PSME4: variants seen among roughly 807,000 people sequenced by gnomAD.
PSME4 encodes the protein proteasome activator subunit 4.
Under a neutral mutation model 253.9 loss-of-function variants are expected in PSME4, and 89 were observed. The ratio of observed to expected loss-of-function variants is 0.35; its 90% CI spans 0.30 to 0.42. The LOEUF (loss-of-function observed/expected upper bound fraction) is 0.42. Ranked by LOEUF, PSME4 falls within the 10% of genes least tolerant of loss-of-function variation. The pLI, the probability that PSME4 is intolerant of heterozygous loss-of-function variation, is 1.00. For synonymous variants in PSME4, 851 were observed against 759.2 expected (o/e 1.12, Z -1.99); for missense variants, 2,014 against 2,195.2 (o/e 0.92, Z 1.65).
At chr2:53,885,181 T>C (rs1231855362) in intron 41 of PSME4, among the ~76,000 whole-genome samples, 1 of 152,212 alleles carries the variant, frequency 6.6e-6, no homozygotes, top group Non-Finnish European at 1.5e-5. Flanking sequence ...AGTAGATGAT[T>C]AGATAAAACC....
intron 3 of PSME4, 33 bp from the exon 4 acceptor site, chr2:53,940,033 G>A (rs1669316859): frequency 1.4e-6 from 2 of 1,474,058 alleles, no homozygotes; most frequent in Non-Finnish European, 9.3e-7. Context: ...TAATTAGATT[G>A]GTGTATTTTA....
chr2:53,937,657 A>G, intron 4 of PSME4, 117 bp from the exon 5 acceptor site: 1 of 925,694 alleles, frequency 1.1e-6, no homozygotes, highest in Non-Finnish European at 1.7e-6. Context: ...ATAGCATGTA[A>G]CACAGTCTAC....
Position 53,868,542 on chromosome 2 carries a change from T to TA in PSME4, c.5263+833dup, listed in dbSNP as rs202011245. Among the ~76,000 whole-genome samples, 553 of 49,104 alleles carry TA rather than the reference T, an allele frequency of 0.011. 10 individuals are homozygous for TA. In the East Asian group the frequency reaches 0.28, roughly 25 times the overall value. The allele number at this position is 49,104 out of a possible 152,430, so 32.2% of individuals were successfully genotyped here. ...TTTATAATATATATAATATATATTA[T>TA]AAATATATTTATAATATATATAATA... On this transcript the variant is annotated intron_variant, in intron 44 of 46. Coordinates refer to ENST00000404125, the MANE Select transcript of PSME4 (RefSeq NM_014614.3).
intron 1 of PSME4, among the ~76,000 whole-genome samples, chr2:53,960,774 A>G (rs781650335): frequency 1.6e-4 from 24 of 151,672 alleles, no homozygotes; most frequent in Admixed American, 5.9e-4. Flanking sequence ...TTGCTTTTGA[A>G]TTTTTTTTTA....
Position 53,940,974 on chromosome 2 carries a change from T to A in PSME4, c.501-974A>T, listed in dbSNP as rs990291297. Among the ~76,000 whole-genome samples the A allele has an allele frequency of 2.1e-3, 129 of 62,626 alleles. 15 individuals carry two copies. The highest frequency in any genetic ancestry group is 8.4e-3 in the East Asian group (21 of 2,494). The allele number at this position is 62,626 out of a possible 152,430, so 41.1% of individuals were successfully genotyped here. On this transcript the variant is annotated intron_variant, in intron 3 of 46. Transcript: ENST00000404125. ...ATACATATATATATATATATATATA[T>A]ATATATATATATATATATATATATA...
intron 1 of PSME4, among the ~76,000 whole-genome samples, chr2:53,960,289 C>T (rs1041186868): frequency 3.3e-5 from 5 of 151,254 alleles, no homozygotes; most frequent in Non-Finnish European, 7.4e-5. Flanking sequence ...ATCCTAGCTT[C>T]TTGGGAGGCT....
intron 10 of PSME4, among the ~76,000 whole-genome samples, chr2:53,930,879 A>C (rs1460641700): frequency 6.6e-6 from 1 of 152,226 alleles, no homozygotes; most frequent in African/African-American, 2.4e-5. Context: ...TTTGACAAAA[A>C]CATTTAGAAA....
chr2:53,878,577 G>C (rs1679239744), intron 41 of PSME4, among the ~76,000 whole-genome samples: 1 of 152,222 alleles, frequency 6.6e-6, no homozygotes, highest in Non-Finnish European at 1.5e-5. Flanking sequence ...TTCTCAGCAA[G>C]TAACATCCCT....
intron 41 of PSME4, among the ~76,000 whole-genome samples, chr2:53,878,989 G>A (rs118156026): frequency 4.6e-5 from 7 of 152,038 alleles, no homozygotes; most frequent in East Asian, 1.9e-4. Flanking sequence ...CTGGTTTTAC[G>A]GCTCAGGGGC....
At chr2:53,891,928 G>T (rs1679927695) in intron 36 of PSME4, among the ~76,000 whole-genome samples, 1 of 151,726 alleles carries the variant, frequency 6.6e-6, no homozygotes, top group Non-Finnish European at 1.5e-5. Flanking sequence ...CGGAAGGACA[G>T]ATGGAAGGAA....
chr2:53,951,476 C>T (rs1273726130), intron 1 of PSME4, among the ~76,000 whole-genome samples: 1 of 152,196 alleles, frequency 6.6e-6, no homozygotes, highest in Non-Finnish European at 1.5e-5. Flanking sequence ...TTTTTATTTT[C>T]TCAAGCTGGT....
Position 53,936,782 on chromosome 2 carries a change from AT to A in PSME4, c.740del (p.Asn247IlefsTer9). ...ELIGLWVSVQ[N>X]LPQWEGQLVN... ...TACTTACCCCCTCCCATTGTGGGAG[AT>A]TTTGCACTGAAACCCAAAGGCCAAT... is the stretch of plus-strand genomic sequence containing the variant. On this transcript the variant is annotated frameshift_variant, in exon 6 of 47. Coordinates refer to ENST00000404125, the MANE Select transcript of PSME4 (RefSeq NM_014614.3). LOFTEE classifies it high-confidence loss of function. 1 of 1,596,024 alleles carries A rather than the reference AT, an allele frequency of 6.3e-7. No individual in the cohort carries two copies. The highest frequency in any genetic ancestry group is 8.5e-7 in the Non-Finnish European group (1 of 1,171,558).
intron 44 of PSME4, 62 bp from the exon 45 acceptor site, chr2:53,866,942 T>C: frequency 6.8e-7 from 1 of 1,479,888 alleles, no homozygotes; most frequent in South Asian, 1.4e-5. Context: ...CTTGTTACAG[T>C]GAGATAAAAT....
At chr2:53,915,270 A>T (rs1420232397) in intron 20 of PSME4, among the ~76,000 whole-genome samples, 1 of 151,844 alleles carries the variant, frequency 6.6e-6, no homozygotes, top group African/African-American at 2.4e-5. Flanking sequence ...GCGAAATCCT[A>T]TCTCCACAAA....
At chr2:53,924,070 T>G (rs1363977553) in intron 14 of PSME4, among the ~76,000 whole-genome samples, 1 of 152,174 alleles carries the variant, frequency 6.6e-6, no homozygotes, top group Non-Finnish European at 1.5e-5. Flanking sequence ...TTGGAATACC[T>G]AATACAATTT....
chr2:53,940,937 A>AAATATATATATATATACATATT (rs1669379849), intron 3 of PSME4, among the ~76,000 whole-genome samples: 2 of 48,550 alleles, frequency 4.1e-5, no homozygotes, highest in Non-Finnish European at 7.4e-5. Context: ...TAATACATAT[A>AAATATATATATATATACATATT]TAAATATATA....
intron 14 of PSME4, 76 bp from the exon 15 acceptor site, chr2:53,923,495 T>C: frequency 6.9e-7 from 1 of 1,446,074 alleles, no homozygotes; most frequent in Non-Finnish European, 9.1e-7. Flanking sequence ...AAGAAAATGA[T>C]AAATATATTT....
At chr2:53,920,793 TA>T in intron 18 of PSME4, 95 bp downstream of exon 18, 2 of 1,035,568 alleles carry the variant, frequency 1.9e-6, no homozygotes, top group Non-Finnish European at 1.4e-6. Flanking sequence ...ATCTTAAAAG[TA>T]AAAAACTAAC....
intron 41 of PSME4, among the ~76,000 whole-genome samples, chr2:53,884,985 C>T (rs1679568998): frequency 1.3e-5 from 2 of 152,184 alleles, no homozygotes; most frequent in Admixed American, 1.3e-4. Flanking sequence ...AAGGGCCCTC[C>T]TCCTTAGATA....
Sources: allele counts gnomAD v4.1 joint callset (sites outside exome capture counted in the v4.1 genomes callset), GRCh38; gene constraint gnomAD v4.1.1; transcripts MANE v1.5; gene names NCBI Gene and HGNC (gene_info 2026-07-23, HGNC 2026-07-21).